The following FBXW8 variants were observed in gnomAD, a reference collection of about 807,000 sequenced individuals.
FBXW8 encodes F-box/WD repeat-containing protein 8.
In FBXW8, 57 loss-of-function variants were observed where a neutral mutation model predicts 65.3. That is an observed-to-expected ratio of 0.87 (90% CI 0.71 to 1.09). The LOEUF is 1.09. Ranked by LOEUF, FBXW8 falls within the 50% of genes least tolerant of loss-of-function variation. The pLI, the probability that FBXW8 is intolerant of heterozygous loss-of-function variation, is 0.00. For synonymous variants in FBXW8, 308 were observed against 330.2 expected (o/e 0.93, Z 0.73); for missense variants, 777 against 814.8 (o/e 0.95, Z 0.57).
chr12:117,013,945 G>A (rs374903223), intron 8 of FBXW8, among the ~76,000 whole-genome samples: 20 of 151,774 alleles, frequency 1.3e-4, no homozygotes, highest in Admixed American at 7.2e-4. Flanking sequence ...TTTATTAAGC[G>A]TTTAGAATCT....
chr12:116,997,228 T>C (rs1265237507), intron 7 of FBXW8, among the ~76,000 whole-genome samples: 3 of 152,178 alleles, frequency 2.0e-5, no homozygotes, highest in African/African-American at 7.2e-5. Context: ...GACTGGACCA[T>C]CTCTGATACT....
At chr12:116,989,947 A>G (rs567155859) in intron 7 of FBXW8, among the ~76,000 whole-genome samples, 2 of 152,366 alleles carry the variant, frequency 1.3e-5, no homozygotes, top group South Asian at 2.1e-4. Flanking sequence ...TGCCTGGCAC[A>G]TGAGAGCTCC....
chr12:117,003,247 T>C (rs1297467948), intron 7 of FBXW8: 1 of 152,258 alleles, frequency 6.6e-6, no homozygotes, highest in Non-Finnish European at 1.5e-5. Flanking sequence ...CGCAGACATG[T>C]ACAGTGTGTA....
intron 4 of FBXW8, among the ~76,000 whole-genome samples, chr12:116,952,407 T>C (rs892053354): frequency 2.0e-5 from 3 of 152,232 alleles, no homozygotes; most frequent in African/African-American, 4.8e-5. Context: ...TTTTTCTTAG[T>C]AGATTTACAA....
intron 7 of FBXW8, among the ~76,000 whole-genome samples, chr12:117,004,213 C>T (rs1202193886): frequency 6.6e-6 from 1 of 152,136 alleles, no homozygotes; most frequent in South Asian, 2.1e-4. Flanking sequence ...TCTAGAAATT[C>T]TCTGCTTTAT....
intron 3 of FBXW8, among the ~76,000 whole-genome samples, 196 bp downstream of exon 3, chr12:116,945,724 G>A (rs1238496532): frequency 6.6e-6 from 1 of 152,206 alleles, no homozygotes; most frequent in African/African-American, 2.4e-5. Flanking sequence ...TCAGCCTCAA[G>A]ATTTGGGAAC....
chr12:117,021,755 AC>A (rs34836907), intron 8 of FBXW8, among the ~76,000 whole-genome samples: 1 of 151,926 alleles, frequency 6.6e-6, no homozygotes, highest in Non-Finnish European at 1.5e-5. Context: ...ATTTTTTTTA[AC>A]CTTTCATTTT....
At chr12:116,959,247 G>A (rs1372023753) in intron 4 of FBXW8, among the ~76,000 whole-genome samples, 1 of 152,214 alleles carries the variant, frequency 6.6e-6, no homozygotes, top group Non-Finnish European at 1.5e-5. Context: ...AGGGTCAGGG[G>A]CTGTGTCCTG....
At chr12:116,917,989 C>G (rs1880570368) in intron 1 of FBXW8, among the ~76,000 whole-genome samples, 1 of 94,946 alleles carries the variant, frequency 1.1e-5, no homozygotes, top group African/African-American at 2.9e-5. Flanking sequence ...AAGACTCCAC[C>G]TCAAAAAAAA....
At chr12:116,916,377 C>T (rs1460079108) in intron 1 of FBXW8, among the ~76,000 whole-genome samples, 1 of 152,154 alleles carries the variant, frequency 6.6e-6, no homozygotes, top group Non-Finnish European at 1.5e-5. Context: ...TAAATCAACA[C>T]CCAGCTGAGA....
chr12:116,922,157 A>G (rs188066340), intron 1 of FBXW8, among the ~76,000 whole-genome samples: 4 of 152,146 alleles, frequency 2.6e-5, no homozygotes, highest in Admixed American at 6.5e-5. Flanking sequence ...CTTTTTGTAT[A>G]TAAGAATATA....
intron 3 of FBXW8, among the ~76,000 whole-genome samples, chr12:116,947,469 C>T (rs1174893065): frequency 3.9e-5 from 6 of 152,040 alleles, no homozygotes; most frequent in Non-Finnish European, 8.8e-5. Context: ...GAAAGGCGGC[C>T]CGGCACCGTG....
rs1045347567 is a variant in FBXW8 at position 117,026,587 on chromosome 12, G to A, written c.1542-807G>A. Among the ~76,000 whole-genome samples, 4 of 142,524 alleles carry A rather than the reference G, an allele frequency of 2.8e-5. No individual in the cohort carries two copies. The East Asian group carries it at 6.1e-4, about 22-fold the overall frequency. 93.5% of individuals were successfully genotyped at this position (142,524 alleles called of 152,430 possible). ...CCCTGGCCCAGCCCACACAGGCCTC[G>A]TCCCCTCCTGTGCACCCCTCCCAGC... On this transcript the variant is annotated intron_variant, in intron 9 of 10. Transcript: ENST00000652555.
intron 8 of FBXW8, among the ~76,000 whole-genome samples, chr12:117,014,123 A>G (rs1953891840): frequency 6.6e-6 from 1 of 152,164 alleles, no homozygotes; most frequent in South Asian, 2.1e-4. Context: ...GTTCTTTCCC[A>G]AACCTTTCTT....
intron 2 of FBXW8, among the ~76,000 whole-genome samples, chr12:116,931,812 C>G (rs1198104756): frequency 1.3e-5 from 2 of 152,058 alleles, no homozygotes; most frequent in South Asian, 2.1e-4. Context: ...AACAGATTAA[C>G]TTCCTCCTTT....
intron 1 of FBXW8, among the ~76,000 whole-genome samples, chr12:116,913,132 C>T (rs960796310): frequency 6.6e-6 from 1 of 152,186 alleles, no homozygotes; most frequent in African/African-American, 2.4e-5. Context: ...CCTGCTAACT[C>T]CATCACCAGG....
At chr12:116,925,929 C>T (rs190483611) in intron 1 of FBXW8, among the ~76,000 whole-genome samples, 28 of 152,276 alleles carry the variant, frequency 1.8e-4, no homozygotes, top group Admixed American at 5.2e-4. Flanking sequence ...TTGCTCTGAA[C>T]CTCCATGCTG....
chr12:117,021,867 AC>A (rs1954108431), intron 8 of FBXW8, among the ~76,000 whole-genome samples: 1 of 152,144 alleles, frequency 6.6e-6, no homozygotes, highest in Non-Finnish European at 1.5e-5. Context: ...AATGGCTGTG[AC>A]GTTTCATCCC....
intron 1 of FBXW8, 46 bp downstream of exon 1, chr12:116,911,401 C>A: frequency 8.2e-7 from 1 of 1,217,504 alleles, no homozygotes; most frequent in Non-Finnish European, 1.0e-6. Context: ...CGCCGGCCCC[C>A]GCCCCCAGGA....
Sources: allele counts gnomAD v4.1 joint callset (sites outside exome capture counted in the v4.1 genomes callset), GRCh38; gene constraint gnomAD v4.1.1; transcripts MANE v1.5; gene names NCBI Gene and HGNC (gene_info 2026-07-23, HGNC 2026-07-21).